The following OSBPL1A variants were observed in gnomAD, a reference collection of about 807,000 sequenced individuals.
OSBPL1A encodes oxysterol binding protein like 1A, also known as oxysterol-binding protein-related protein 1.
A neutral mutation model predicts 137.1 loss-of-function variants in OSBPL1A; 80 were observed. The ratio of observed to expected loss-of-function variants is 0.58; its 90% CI spans 0.49 to 0.70. OSBPL1A has a LOEUF of 0.70. Ranked by LOEUF, OSBPL1A falls within the 30% of genes least tolerant of loss-of-function variation. The pLI, the probability that OSBPL1A is intolerant of heterozygous loss-of-function variation, is 0.00. For synonymous variants in OSBPL1A, 365 were observed against 389.7 expected (o/e 0.94, Z 0.75); for missense variants, 970 against 1,129.4 (o/e 0.86, Z 2.02).
At chr18:24,325,095 A>AAAG (rs1555651167) in intron 7 of OSBPL1A, among the ~76,000 whole-genome samples, 9 of 151,618 alleles carry the variant, frequency 5.9e-5, no homozygotes, top group Admixed American at 2.0e-4. Context: ...CGAAACAAAA[A>AAAG]AAAGAAAGAA....
intron 1 of OSBPL1A, among the ~76,000 whole-genome samples, chr18:24,383,783 C>G (rs1906770791): frequency 6.6e-6 from 1 of 152,186 alleles, no homozygotes; most frequent in South Asian, 2.1e-4. Context: ...AATCTATTAT[C>G]TACTTAAACA....
chr18:24,213,080 T>G (rs193121723), intron 17 of OSBPL1A, among the ~76,000 whole-genome samples: 7 of 152,332 alleles, frequency 4.6e-5, no homozygotes, highest in Admixed American at 3.9e-4. Context: ...ATCTTACAAC[T>G]TAGTCAGAGA....
intron 18 of OSBPL1A, among the ~76,000 whole-genome samples, chr18:24,195,470 C>T (rs1377030677): frequency 6.6e-6 from 1 of 152,090 alleles, no homozygotes; most frequent in Non-Finnish European, 1.5e-5. Flanking sequence ...CATTCAATTG[C>T]AAAATGTTAA....
intron 18 of OSBPL1A, among the ~76,000 whole-genome samples, chr18:24,194,342 T>C (rs1222697056): frequency 6.6e-6 from 1 of 152,220 alleles, no homozygotes; most frequent in African/African-American, 2.4e-5. Flanking sequence ...TTTAATATAA[T>C]AGAAAATACA....
At chr18:24,371,338 G>A (rs1905619583) in intron 2 of OSBPL1A, among the ~76,000 whole-genome samples, 1 of 151,934 alleles carries the variant, frequency 6.6e-6, no homozygotes, top group African/African-American at 2.4e-5. Flanking sequence ...GCCTTTTACC[G>A]AGACAACTCT....
chr18:24,265,945 C>T (rs545712503), intron 15 of OSBPL1A, among the ~76,000 whole-genome samples: 9 of 152,348 alleles, frequency 5.9e-5, no homozygotes, highest in South Asian at 2.1e-4. Context: ...TGCTCCCTTT[C>T]TCTCCCTGAG....
intron 14 of OSBPL1A, among the ~76,000 whole-genome samples, chr18:24,295,000 A>C (rs1038398764): frequency 6.6e-6 from 1 of 152,200 alleles, no homozygotes; most frequent in Non-Finnish European, 1.5e-5. Flanking sequence ...ACTGTTCTCC[A>C]TAGAGGTTGT....
intron 4 of OSBPL1A, among the ~76,000 whole-genome samples, chr18:24,356,615 A>C (rs1568049804): frequency 6.6e-6 from 1 of 152,160 alleles, no homozygotes; most frequent in Non-Finnish European, 1.5e-5. Flanking sequence ...GAATAGACAC[A>C]CTTAGTTGTT....
At chr18:24,355,787 C>A (rs1019468412) in intron 4 of OSBPL1A, among the ~76,000 whole-genome samples, 1 of 151,982 alleles carries the variant, frequency 6.6e-6, no homozygotes. Flanking sequence ...GAGTTCAAGA[C>A]CAGCCTGGCC....
intron 12 of OSBPL1A, among the ~76,000 whole-genome samples, chr18:24,313,534 G>A (rs1251288346): frequency 6.6e-6 from 1 of 152,106 alleles, no homozygotes; most frequent in Non-Finnish European, 1.5e-5. Context: ...TCACTAGGAA[G>A]GCTGAGTCTC....
intron 15 of OSBPL1A, among the ~76,000 whole-genome samples, chr18:24,255,430 G>A (rs2089241014): frequency 1.3e-5 from 2 of 152,118 alleles, no homozygotes; most frequent in South Asian, 4.1e-4. Flanking sequence ...AACTGCTTAG[G>A]GCCAGCCTGC....
intron 7 of OSBPL1A, among the ~76,000 whole-genome samples, chr18:24,321,922 GA>G (rs987133022): frequency 6.6e-6 from 1 of 152,000 alleles, no homozygotes; most frequent in Admixed American, 6.6e-5. Context: ...TAATTTCCAT[GA>G]TTTTTTTTAA....
chr18:24,232,295 A>G (rs939337153), intron 16 of OSBPL1A, among the ~76,000 whole-genome samples: 29 of 152,228 alleles, frequency 1.9e-4, no homozygotes, highest in Admixed American at 3.3e-4. Context: ...GACTGCTGCA[A>G]TAATTTACTA....
chr18:24,278,325 T>TA (rs1380315068), intron 15 of OSBPL1A, among the ~76,000 whole-genome samples: 1 of 152,184 alleles, frequency 6.6e-6, no homozygotes, highest in African/African-American at 2.4e-5. Context: ...AATCCACTGT[T>TA]ACACACATAA....
At chr18:24,331,057 T>C (rs888593059) in intron 7 of OSBPL1A, among the ~76,000 whole-genome samples, 13 of 152,172 alleles carry the variant, frequency 8.5e-5, no homozygotes, top group Admixed American at 4.6e-4. Flanking sequence ...CCTCTCAAAG[T>C]GCTGGGATTA....
chr18:24,372,867 C>T (rs1170599600), intron 2 of OSBPL1A, among the ~76,000 whole-genome samples: 1 of 152,076 alleles, frequency 6.6e-6, no homozygotes, highest in African/African-American at 2.4e-5. Context: ...AGTTGGAGAC[C>T]AGCCTGGCCA....
chr18:24,239,272 G>C lies in OSBPL1A; in HGVS notation c.1392C>G (p.Gly464=). Reference sequence around the variant, plus strand: ...CGCTAAGGATGCTGGCGGGTGGAGAGCCTTTCACCAGAGACTGCTCTAATT... The same window carrying C: ...CGCTAAGGATGCTGGCGGGTGGAGACCCTTTCACCAGAGACTGCTCTAATT... The part of the protein sequence containing the change: ...HHELEQSLVK[G]SPPASILSED... Residue 464 remains glycine, a synonymous_variant, in exon 16 of 28, where the codon GGC becomes GGG. Coordinates refer to ENST00000319481, the MANE Select transcript of OSBPL1A (RefSeq NM_080597.4). 5.0e-6 allele frequency: 8 copies of C among 1,614,106 alleles called. No homozygotes were observed. The highest frequency in any genetic ancestry group is 6.8e-6 in the Non-Finnish European group (8 of 1,179,984).
chr18:24,394,340 T>C (rs955392110), intron 1 of OSBPL1A, among the ~76,000 whole-genome samples: 4 of 152,250 alleles, frequency 2.6e-5, no homozygotes, highest in Non-Finnish European at 4.4e-5. Context: ...TTCTTAAAAT[T>C]AGTAAAAATT....
intron 16 of OSBPL1A, among the ~76,000 whole-genome samples, chr18:24,228,678 G>C (rs2088173201): frequency 1.3e-5 from 2 of 152,222 alleles, no homozygotes. Flanking sequence ...ACAGAGTGGA[G>C]AATGTTGTAT....
Sources: gnomAD v4.1 joint callset for allele counts (sites outside exome capture counted in the v4.1 genomes callset) on GRCh38, gnomAD v4.1.1 for gene constraint, MANE v1.5 for transcripts, NCBI Gene and HGNC (gene_info 2026-07-23, HGNC 2026-07-21) for gene names.